FZD2: variants seen among roughly 807,000 people sequenced by gnomAD.
The protein encoded by FZD2 is frizzled-2.
A neutral mutation model predicts 36.7 loss-of-function variants in FZD2; 17 were observed. That is an observed-to-expected ratio of 0.46 (90% confidence interval 0.32 to 0.70). The LOEUF (loss-of-function observed/expected upper bound fraction) is 0.70, where lower values mean the gene tolerates loss of function less well. FZD2 is among the 30% of genes least tolerant of loss of function. FZD2 has a pLI of 0.04. For missense variants in FZD2, 525 were observed against 805.6 expected (o/e 0.65, Z 4.22); for synonymous variants, 333 against 359.6 (o/e 0.93, Z 0.84).
At position 44,559,368 on chromosome 17, in the gene FZD2, C is replaced by A. The variant is rs1038724972; in HGVS notation, c.1680C>A (p.His560Gln). 3 of 1,604,948 alleles carry A rather than the reference C, an allele frequency of 1.9e-6. No individual in the cohort carries two copies. The highest frequency in any genetic ancestry group is 2.6e-6 in the Non-Finnish European group (3 of 1,175,120). ...KFYTRLTNSR[H>Q]GETTV ...ACACTCGCCTCACCAACAGCCGACA[C>A]GGTGAGACCACCGTGTGAGGGACGC... Residue 560 changes from histidine (H) to glutamine (Q), a missense_variant, in exon 1 of 1, where the codon CAC (histidine) becomes CAA (glutamine). Transcript: ENST00000315323. This position sits in a 1 kb window ranked among gnomAD's most constrained non-coding sequence, Gnocchi z 4.4.
chr17:44,558,338 G>A lies in FZD2; in HGVS notation c.650G>A (p.Gly217Asp), dbSNP rs745816253. Reference protein sequence around the residue: ...VPSYLSYKFLGERDCAAPCEP... With the variant: ...VPSYLSYKFLDERDCAAPCEP... ...TCCTATCTCAGCTACAAGTTTCTGG[G>A]CGAGCGTGATTGTGCTGCGCCCTGC... Residue 217 changes from glycine (G) to aspartate (D), a missense_variant, in exon 1 of 1, where the codon GGC (glycine) becomes GAC (aspartate). This residue lies in a region of FZD2 where 257 missense variants were observed against 344.4 expected (regional missense o/e 0.75). Transcript: ENST00000315323. This position sits in a 1 kb window ranked among gnomAD's most constrained non-coding sequence, Gnocchi z 9.3. The A allele has an allele frequency of 8.6e-6, 13 of 1,504,946 alleles. No homozygotes were observed. Among genetic ancestry groups the A allele is most frequent in the Middle Eastern group, 1.8e-4 (1 of 5,586 alleles). The allele number at this position is 1,504,946 out of a possible 1,614,324, so 93.2% of individuals were successfully genotyped here. A position where few individuals can be genotyped will look rare whatever the true frequency, so the allele number is the denominator to read the frequency against.
chr17:44,558,827 C>T lies in FZD2; in HGVS notation c.1139C>T (p.Pro380Leu). Residue 380 changes from proline (P) to leucine (L), a missense_variant, in exon 1 of 1, where the codon CCG (proline) becomes CTG (leucine). Pro to Leu is a moderately conservative substitution (Grantham distance 98, BLOSUM62 -3). Around this residue, in one of 5 missense-constraint regions of FZD2, gnomAD observed 189 missense variants for 298.1 expected, o/e 0.63. Transcript: ENST00000315323. This position sits in a 1 kb window ranked among gnomAD's most constrained non-coding sequence, Gnocchi z 9.3. ...TTCCACCTGGCCGCCTGGGCCGTGC[C>T]GGCCGTCAAGACCATCACCATCCTG... Reference protein sequence around the residue: ...QYFHLAAWAVPAVKTITILAM... With the variant: ...QYFHLAAWAVLAVKTITILAM... 6.2e-7 allele frequency: 1 copy of T among 1,614,064 alleles called. No homozygotes were observed. Among genetic ancestry groups the T allele is most frequent in the Non-Finnish European group, 8.5e-7 (1 of 1,180,010 alleles).
At position 44,558,612 on chromosome 17, in the gene FZD2, G is replaced by A; in HGVS notation, c.924G>A (p.Glu308=). Residue 308 remains glutamate, a synonymous_variant, in exon 1 of 1, where the codon GAG becomes GAA. Transcript: ENST00000315323. The surrounding 1 kb of genome is among the most constrained non-coding windows in gnomAD (Gnocchi z 9.3). The part of the protein sequence containing the change: ...FVLQERVVCN[E]RFSEDGYRTV... Reference sequence around the variant, plus strand: ...TCCAGGAGCGCGTGGTGTGCAACGAGCGCTTCTCCGAGGACGGTTACCGCA... The same window carrying A: ...TCCAGGAGCGCGTGGTGTGCAACGAACGCTTCTCCGAGGACGGTTACCGCA... 1.2e-6 allele frequency: 2 copies of A among 1,613,738 alleles called. No homozygotes were observed. Among genetic ancestry groups the A allele is most frequent in the Non-Finnish European group, 1.7e-6 (2 of 1,179,756 alleles).
In FZD2 at chr17:44,559,273, C is replaced by T; in HGVS notation, c.1585C>T (p.Leu529Phe). The T allele has an allele frequency of 6.2e-7, 1 of 1,614,080 alleles. No homozygotes were observed. The highest frequency in any genetic ancestry group is 2.2e-5 in the East Asian group (1 of 44,870). The part of the protein sequence containing the change: ...TVYMIKYLMT[L>F]IVGITSGFWI... ...CTACATGATCAAATACCTCATGACG[C>T]TCATCGTGGGCATCACGTCGGGCTT... is the stretch of plus-strand genomic sequence containing the variant. Residue 529 changes from leucine to phenylalanine, a missense_variant, in exon 1 of 1, where the codon CTC becomes TTC. This residue lies in a region of FZD2 where 189 missense variants were observed against 298.1 expected (regional missense o/e 0.63). Coordinates refer to ENST00000315323, the MANE Select transcript of FZD2 (RefSeq NM_001466.4). The surrounding 1 kb of genome is among the most constrained non-coding windows in gnomAD (Gnocchi z 4.4).
rs1037700086 is a variant in FZD2 at position 44,559,539 on chromosome 17, C to A, written c.*153C>A. 2 of 985,200 alleles carry A rather than the reference C, an allele frequency of 2.0e-6. No individual in the cohort carries two copies. Among genetic ancestry groups the A allele is most frequent in the African/African-American group, 3.3e-5 (2 of 60,484 alleles). The allele number at this position is 985,200 out of a possible 1,614,324, so 61.0% of individuals were successfully genotyped here. A position where few individuals can be genotyped will look rare whatever the true frequency, so the allele number is the denominator to read the frequency against. ...AAGAGAACTCTCTGCCCAACACCCC[C>A]ACAAGGTTTGTAATTAAAACTGTAA... On this transcript the variant is annotated 3_prime_UTR_variant, in exon 1 of 1. Transcript: ENST00000315323. This position sits in a 1 kb window ranked among gnomAD's most constrained non-coding sequence, Gnocchi z 4.4.
rs1420668927 is a variant in FZD2, at chr17:44,559,324, C to T, written c.1636C>T (p.His546Tyr). 3 of 1,613,442 alleles carry T rather than the reference C, an allele frequency of 1.9e-6. No homozygotes were observed. In the East Asian group the frequency reaches 6.7e-5, roughly 36 times the overall value. The change falls in exon 1 of 1, where the codon CAC becomes TAC. Residue 546 changes from histidine to tyrosine, a missense_variant. Physicochemically the swap from His to Tyr is moderately conservative, Grantham distance 83. This residue lies in a region of FZD2 where 189 missense variants were observed against 298.1 expected (regional missense o/e 0.63). Transcript: ENST00000315323. This position sits in a 1 kb window ranked among gnomAD's most constrained non-coding sequence, Gnocchi z 4.4. ...GFWIWSGKTL[H>Y]SWRKFYTRLT... ...CTGGATCTGGTCGGGCAAGACGCTG[C>T]ACTCGTGGAGGAAGTTCTACACTCG...
rs1970867068 is a variant in FZD2 at position 44,559,634 on chromosome 17, G to A, written c.*248G>A. Reference sequence around the variant, plus strand: ...AAAAAGGAGAAAAAAAAACAGGGGTGTGGGCGCCAGGACTGAAGAATGAGG... The same window carrying A: ...AAAAAGGAGAAAAAAAAACAGGGGTATGGGCGCCAGGACTGAAGAATGAGG... On this transcript the variant is annotated 3_prime_UTR_variant, in exon 1 of 1. Coordinates refer to ENST00000315323, the MANE Select transcript of FZD2 (RefSeq NM_001466.4). This position sits in a 1 kb window ranked among gnomAD's most constrained non-coding sequence, Gnocchi z 4.4. 2 of 264,688 alleles carry A rather than the reference G, an allele frequency of 7.6e-6. No homozygotes were observed. The highest frequency in any genetic ancestry group is 2.2e-4 in the South Asian group (2 of 9,118). The allele number at this position is 264,688 out of a possible 1,614,324, so 16.4% of individuals were successfully genotyped here.
chr17:44,558,206 A>C lies in FZD2; in HGVS notation c.518A>C (p.Gln173Pro). 6.9e-7 allele frequency: 1 copy of C among 1,442,352 alleles called. No homozygotes were observed. The highest frequency in any genetic ancestry group is 9.1e-7 in the Non-Finnish European group (1 of 1,103,126). 89.3% of individuals were successfully genotyped at this position (1,442,352 alleles called of 1,614,324 possible). ...LLTTAPPPGL[Q>P]PGAGGTPGGP... ...ACCACCGCGCCGCCGCCGGGACTGC[A>C]GCCGGGTGCCGGGGGCACCCCGGGT... is the stretch of plus-strand genomic sequence containing the variant. The change falls in exon 1 of 1, where the codon CAG (glutamine) becomes CCG (proline). Residue 173 changes from glutamine (Q) to proline (P), a missense_variant. By Grantham distance (76) the Gln-to-Pro change is moderately conservative. This residue lies in a region of FZD2 where 257 missense variants were observed against 344.4 expected (regional missense o/e 0.75). Coordinates refer to ENST00000315323, the MANE Select transcript of FZD2 (RefSeq NM_001466.4). This position sits in a 1 kb window ranked among gnomAD's most constrained non-coding sequence, Gnocchi z 9.3.
rs764673652 is a variant in FZD2, at chr17:44,558,208, C to T, written c.520C>T (p.Pro174Ser). 3.5e-6 allele frequency: 5 copies of T among 1,442,798 alleles called. No homozygotes were observed. The highest frequency in any genetic ancestry group is 2.9e-5 in the Admixed American group (1 of 34,254). The allele number at this position is 1,442,798 out of a possible 1,614,324, so 89.4% of individuals were successfully genotyped here. ...LTTAPPPGLQPGAGGTPGGPG... is the reference protein window; with the variant it reads ...LTTAPPPGLQSGAGGTPGGPG... ...CACCGCGCCGCCGCCGGGACTGCAGCCGGGTGCCGGGGGCACCCCGGGTGG... is the reference window on the plus strand; with the variant it reads ...CACCGCGCCGCCGCCGGGACTGCAGTCGGGTGCCGGGGGCACCCCGGGTGG... The change falls in exon 1 of 1, where the codon CCG (proline) becomes TCG (serine). Residue 174 changes from proline to serine, a missense_variant. Pro to Ser is a moderately conservative substitution (Grantham distance 74). This residue lies in a region of FZD2 where 257 missense variants were observed against 344.4 expected (regional missense o/e 0.75). Coordinates refer to ENST00000315323, the MANE Select transcript of FZD2 (RefSeq NM_001466.4). The surrounding 1 kb of genome is among the most constrained non-coding windows in gnomAD (Gnocchi z 9.3).
rs777673157 is a variant in FZD2, at chr17:44,558,379, G to A, written c.691G>A (p.Asp231Asn). 2 of 1,539,378 alleles carry A rather than the reference G, an allele frequency of 1.3e-6. No homozygotes were observed. Among genetic ancestry groups the A allele is most frequent in the Admixed American group, 4.4e-5 (2 of 45,784 alleles). The part of the protein sequence containing the change: ...CAAPCEPARP[D>N]GSMFFSQEET... ...TGCGCCCTGCGAACCTGCGCGGCCC[G>A]ATGGTTCCATGTTCTTCTCACAGGA... is the stretch of plus-strand genomic sequence containing the variant. The change falls in exon 1 of 1, where the codon GAT becomes AAT. Residue 231 changes from aspartate to asparagine, a missense_variant. This residue lies in a region of FZD2 where 257 missense variants were observed against 344.4 expected (regional missense o/e 0.75). Transcript: ENST00000315323. The surrounding 1 kb of genome is among the most constrained non-coding windows in gnomAD (Gnocchi z 9.3).
chr17:44,559,868 T>A lies in FZD2; in HGVS notation c.*482T>A, dbSNP rs1970869781. On this transcript the variant is annotated 3_prime_UTR_variant, in exon 1 of 1. Coordinates refer to ENST00000315323, the MANE Select transcript of FZD2 (RefSeq NM_001466.4). The surrounding 1 kb of genome is among the most constrained non-coding windows in gnomAD (Gnocchi z 4.4). ...ATAAAAGCCAAATTTGTGAGCCTCC[T>A]CTCTGACGCTGGGCCTGTGGAAGCC... is the stretch of plus-strand genomic sequence containing the variant. Among the ~76,000 whole-genome samples, 1 of 152,214 alleles carries A rather than the reference T, an allele frequency of 6.6e-6. No individual in the cohort carries two copies. The highest frequency in any genetic ancestry group is 1.5e-5 in the Non-Finnish European group (1 of 68,038).
rs779631513 is a variant in FZD2, at chr17:44,557,551, C to T, written c.-138C>T. 1.1e-5 allele frequency: 6 copies of T among 556,600 alleles called. No homozygotes were observed. The highest frequency in any genetic ancestry group is 1.4e-5 in the Non-Finnish European group (5 of 361,382). 34.5% of individuals were successfully genotyped at this position (556,600 alleles called of 1,614,324 possible). On this transcript the variant is annotated 5_prime_UTR_variant, in exon 1 of 1. Coordinates refer to ENST00000315323, the MANE Select transcript of FZD2 (RefSeq NM_001466.4). The surrounding 1 kb of genome is among the most constrained non-coding windows in gnomAD (Gnocchi z 4.9). Reference sequence around the variant, plus strand: ...CCCCCGCCCGGCCTCCCCAACTCTGCGGCCGCGAGTAAAGTTTGCAAAGAG... The same window carrying T: ...CCCCCGCCCGGCCTCCCCAACTCTGTGGCCGCGAGTAAAGTTTGCAAAGAG...
chr17:44,558,754 G>A lies in FZD2; in HGVS notation c.1066G>A (p.Ala356Thr). Reference protein sequence around the residue: ...VILSLTWFLAAGMKWGHEAIE... With the variant: ...VILSLTWFLATGMKWGHEAIE... ...CCTGTCGCTCACCTGGTTCCTGGCA[G>A]CCGGCATGAAGTGGGGCCACGAGGC... Residue 356 changes from alanine to threonine, a missense_variant, in exon 1 of 1, where the codon GCC becomes ACC. Around this residue, in one of 5 missense-constraint regions of FZD2, gnomAD observed 189 missense variants for 298.1 expected, o/e 0.63. Coordinates refer to ENST00000315323, the MANE Select transcript of FZD2 (RefSeq NM_001466.4). This position sits in a 1 kb window ranked among gnomAD's most constrained non-coding sequence, Gnocchi z 9.3. 1 of 1,614,262 alleles carries A rather than the reference G, an allele frequency of 6.2e-7. No homozygotes were observed. The highest frequency in any genetic ancestry group is 8.5e-7 in the Non-Finnish European group (1 of 1,180,056).
At position 44,558,891 on chromosome 17, in the gene FZD2, G is replaced by T. The variant is rs753718207; in HGVS notation, c.1203G>T (p.Val401=). The T allele has an allele frequency of 3.1e-6, 5 of 1,612,616 alleles. No homozygotes were observed. Among genetic ancestry groups the T allele is most frequent in the Non-Finnish European group, 4.2e-6 (5 of 1,179,492 alleles). ...GQIDGDLLSG[V]CFVGLNSLDP... is the part of the protein sequence containing the mutation. ...TCGACGGCGACCTGCTGAGCGGCGT[G>T]TGCTTCGTAGGCCTCAACAGCCTGG... Residue 401 remains valine, a synonymous_variant, in exon 1 of 1, where the codon GTG becomes GTT. Coordinates refer to ENST00000315323, the MANE Select transcript of FZD2 (RefSeq NM_001466.4). The surrounding 1 kb of genome is among the most constrained non-coding windows in gnomAD (Gnocchi z 9.3).
rs1970873787 is a variant in FZD2, at chr17:44,560,208, C to T, written c.*822C>T. 1.3e-5 allele frequency among the ~76,000 whole-genome samples: 2 copies of T among 152,144 alleles called. No homozygotes were observed. Among genetic ancestry groups the T allele is most frequent in the South Asian group, 4.1e-4 (2 of 4,834 alleles). ...CTTTTTGAAGTGTGTTTTGAAACAGCCCCCACCAACATACACCCCACCAGG... is the reference window on the plus strand; with the variant it reads ...CTTTTTGAAGTGTGTTTTGAAACAGTCCCCACCAACATACACCCCACCAGG... On this transcript the variant is annotated 3_prime_UTR_variant, in exon 1 of 1. Coordinates refer to ENST00000315323, the MANE Select transcript of FZD2 (RefSeq NM_001466.4).
At position 44,560,267 on chromosome 17, in the gene FZD2, A is replaced by C. The variant is rs1280883888; in HGVS notation, c.*881A>C. On this transcript the variant is annotated 3_prime_UTR_variant, in exon 1 of 1. Coordinates refer to ENST00000315323, the MANE Select transcript of FZD2 (RefSeq NM_001466.4). ...TCCTGCCTCCCTTCATGTCTAGGGG[A>C]AGCATTCGCCTTTGAGCACTTGTTT... Among the ~76,000 whole-genome samples, 1 of 152,050 alleles carries C rather than the reference A, an allele frequency of 6.6e-6. No individual in the cohort carries two copies. The highest frequency in any genetic ancestry group is 1.5e-5 in the Non-Finnish European group (1 of 68,014).
At position 44,558,760 on chromosome 17, in the gene FZD2, A is replaced by G; in HGVS notation, c.1072A>G (p.Met358Val). The change falls in exon 1 of 1, where the codon ATG becomes GTG. Residue 358 changes from methionine (M) to valine (V), a missense_variant. By Grantham distance (21) the Met-to-Val change is conservative. This residue lies in a region of FZD2 where 189 missense variants were observed against 298.1 expected (regional missense o/e 0.63). Coordinates refer to ENST00000315323, the MANE Select transcript of FZD2 (RefSeq NM_001466.4). The surrounding 1 kb of genome is among the most constrained non-coding windows in gnomAD (Gnocchi z 9.3). ...GCTCACCTGGTTCCTGGCAGCCGGCATGAAGTGGGGCCACGAGGCCATCGA... is the reference window on the plus strand; with the variant it reads ...GCTCACCTGGTTCCTGGCAGCCGGCGTGAAGTGGGGCCACGAGGCCATCGA... ...LSLTWFLAAG[M>V]KWGHEAIEAN... 6.2e-7 allele frequency: 1 copy of G among 1,614,226 alleles called. No individual in the cohort carries two copies. Among genetic ancestry groups the G allele is most frequent in the Non-Finnish European group, 8.5e-7 (1 of 1,180,042 alleles).
In FZD2 at chr17:44,558,938, T is replaced by C; in HGVS notation, c.1250T>C (p.Leu417Pro). 1 of 1,613,746 alleles carries C rather than the reference T, an allele frequency of 6.2e-7. No individual in the cohort carries two copies. Among genetic ancestry groups the C allele is most frequent in the Non-Finnish European group, 8.5e-7 (1 of 1,179,970 alleles). The change falls in exon 1 of 1, where the codon CTA becomes CCA. Residue 417 changes from leucine (L) to proline (P), a missense_variant. Leu to Pro is a moderately conservative substitution (Grantham distance 98). Transcript: ENST00000315323. The surrounding 1 kb of genome is among the most constrained non-coding windows in gnomAD (Gnocchi z 9.3). ...NSLDPLRGFV[L>P]APLFVYLFIG... is the part of the protein sequence containing the mutation. Reference sequence around the variant, plus strand: ...CTGGACCCGCTGCGGGGCTTCGTGCTAGCGCCGCTCTTCGTGTACCTGTTC... The same window carrying C: ...CTGGACCCGCTGCGGGGCTTCGTGCCAGCGCCGCTCTTCGTGTACCTGTTC...
At position 44,557,750 on chromosome 17, in the gene FZD2, G is replaced by A; in HGVS notation, c.62G>A (p.Gly21Glu). The change falls in exon 1 of 1, where the codon GGG (glycine) becomes GAG (glutamate). Residue 21 changes from glycine to glutamate, a missense_variant. Physicochemically the swap from Gly to Glu is moderately conservative, Grantham distance 98 (BLOSUM62 -2). This residue lies in a region of FZD2 where 44 missense variants were observed against 43.9 expected (regional missense o/e 1.00). Coordinates refer to ENST00000315323, the MANE Select transcript of FZD2 (RefSeq NM_001466.4). The surrounding 1 kb of genome is among the most constrained non-coding windows in gnomAD (Gnocchi z 4.9). ...CCGCTGCTGCTGCTGCCCGCCGCCG[G>A]GCCGGCCCAGTTCCACGGGGAGAAG... ...LLPLLLLPAA[G>E]PAQFHGEKGI... The A allele has an allele frequency of 1.2e-6, 2 of 1,609,834 alleles. No individual in the cohort carries two copies. Among genetic ancestry groups the A allele is most frequent in the Non-Finnish European group, 1.7e-6 (2 of 1,178,864 alleles).
Sources: gnomAD v4.1 joint callset for allele counts (sites outside exome capture counted in the v4.1 genomes callset) on GRCh38, gnomAD v4.1.1 for gene constraint, gnomAD v4.1.1 regional missense constraint, Gnocchi (gnomAD v3.1) non-coding constraint, MANE v1.5 for transcripts, NCBI Gene and HGNC (gene_info 2026-07-23, HGNC 2026-07-21) for gene names.